Variants in DEK observed in about 807,000 individuals in gnomAD.
DEK encodes the protein DEK proto-oncogene.
A neutral mutation model predicts 46.8 loss-of-function variants in DEK; 28 were observed. The ratio of observed to expected loss-of-function variants is 0.60; its 90% CI spans 0.44 to 0.82. DEK has a LOEUF of 0.82. Ranked by LOEUF, DEK falls within the 40% of genes least tolerant of loss-of-function variation. The pLI is 0.00. For synonymous variants in DEK, 160 were observed against 144.5 expected (o/e 1.11, Z -0.77); for missense variants, 416 against 430.6 (o/e 0.97, Z 0.30).
chr6:18,235,108 C>A (rs755839319), intron 9 of DEK, among the ~76,000 whole-genome samples: 3 of 152,100 alleles, frequency 2.0e-5, no homozygotes, highest in Non-Finnish European at 2.9e-5. Context: ...GGGTGTCCTG[C>A]CTCTCTCATC....
rs780634683 is a variant in DEK at position 18,260,985 on chromosome 6, CA to C, written c.146-2581del. Among the ~76,000 whole-genome samples, 560 of 78,020 alleles carry C rather than the reference CA, an allele frequency of 7.2e-3. 2 individuals carry two copies. The highest frequency in any genetic ancestry group is 0.019 in the African/African-American group (378 of 19,862). The allele number at this position is 78,020 out of a possible 152,430, so 51.2% of individuals were successfully genotyped here. ...TGGGTGACAAGTGAGACCTTGTCTC[CA>C]AAAAAAAAAAAAAAAAAGAAAGAAA... On this transcript the variant is annotated intron_variant, in intron 2 of 10. Transcript: ENST00000652689.
intron 6 of DEK, among the ~76,000 whole-genome samples, chr6:18,251,037 G>A (rs908355482): frequency 6.6e-6 from 1 of 152,122 alleles, no homozygotes; most frequent in South Asian, 2.1e-4. Context: ...TGATGAAAAT[G>A]AGTTGATTAC....
chr6:18,236,340 A>G, intron 9 of DEK, 112 bp downstream of exon 9: 2 of 1,199,842 alleles, frequency 1.7e-6, no homozygotes, highest in Non-Finnish European at 2.3e-6. Flanking sequence ...TAGTAGTTCA[A>G]TAAATCTTTC....
At chr6:18,228,767 C>A (rs188979800) in intron 9 of DEK, among the ~76,000 whole-genome samples, 6 of 152,338 alleles carry the variant, frequency 3.9e-5, no homozygotes, top group Admixed American at 2.0e-4. Flanking sequence ...CACGGAGCCT[C>A]GCTCATTGCT....
chr6:18,261,769 T>G (rs1467565707), intron 2 of DEK, among the ~76,000 whole-genome samples: 1 of 152,148 alleles, frequency 6.6e-6, no homozygotes, highest in East Asian at 1.9e-4. Context: ...TGGAAGAAAC[T>G]CATCTTCAGA....
At chr6:18,262,348 T>C (rs1216032350) in intron 2 of DEK, among the ~76,000 whole-genome samples, 5 of 150,672 alleles carry the variant, frequency 3.3e-5, no homozygotes, top group Admixed American at 3.3e-4. Flanking sequence ...GCTTCCATGA[T>C]GCCTCAGTTC....
At chr6:18,226,847 G>A (rs1304182387) in intron 9 of DEK, among the ~76,000 whole-genome samples, 2 of 152,168 alleles carry the variant, frequency 1.3e-5, no homozygotes, top group Non-Finnish European at 2.9e-5. Context: ...ATTTTGTTCT[G>A]TACTAAGAAA....
At position 18,258,356 on chromosome 6, in the gene DEK, C is replaced by T; in HGVS notation, c.195G>A (p.Arg65=). Residue 65 remains arginine (R), a synonymous_variant, in exon 3 of 11, where the codon AGG becomes AGA. Coordinates refer to ENST00000652689, the MANE Select transcript of DEK (RefSeq NM_003472.4). ...GTAAGGAAGAGACTTGCATTGTCAA[C>T]CTCTCTACTTTTTTCTTTTCCCTCT... ...EGKREKKKVE[R]LTMQVSSLQR... The T allele has an allele frequency of 6.2e-7, 1 of 1,613,484 alleles. No individual in the cohort carries two copies. Among genetic ancestry groups the T allele is most frequent in the Non-Finnish European group, 8.5e-7 (1 of 1,179,738 alleles).
intron 9 of DEK, among the ~76,000 whole-genome samples, chr6:18,232,346 C>A (rs544611271): frequency 6.6e-6 from 1 of 152,084 alleles, no homozygotes; most frequent in Non-Finnish European, 1.5e-5. Flanking sequence ...CAACATAGTG[C>A]TGGAAGTTCT....
chr6:18,247,090 G>A (rs1350218119), intron 7 of DEK, among the ~76,000 whole-genome samples: 1 of 152,136 alleles, frequency 6.6e-6, no homozygotes, highest in Non-Finnish European at 1.5e-5. Context: ...TAACATGGCT[G>A]ACATTTAGAA....
chr6:18,263,872 T>C lies in DEK; in HGVS notation c.116A>G (p.Asp39Gly), dbSNP rs144506225. Reference protein sequence around the residue: ...REESEEEEDEDDEEEEEEEKE... With the variant: ...REESEEEEDEGDEEEEEEEKE... ...TTCCTCCTCCTCCTCCTCCTCGTCG[T>C]CCTCGTCCTCTTCCTCCTCGCTCTC... The change falls in exon 2 of 11, where the codon GAC becomes GGC. Residue 39 changes from aspartate (D) to glycine (G), a missense_variant. By Grantham distance (94) the Asp-to-Gly change is moderately conservative (BLOSUM62 -1). Transcript: ENST00000652689. 48 of 1,612,666 alleles carry C rather than the reference T, an allele frequency of 3.0e-5. No homozygotes were observed. The African/African-American group carries it at 5.3e-4, about 18-fold the overall frequency.
intron 2 of DEK, among the ~76,000 whole-genome samples, chr6:18,263,095 C>T (rs1791950133): frequency 6.6e-6 from 1 of 152,152 alleles, no homozygotes; most frequent in Non-Finnish European, 1.5e-5. Flanking sequence ...GCGGGTACAC[C>T]TGAAACAGAC....
rs371518601 is a variant in DEK, at chr6:18,259,161, G to C, written c.146-756C>G. ...CCGGCTAACTCGGTCAGGAGATCGA[G>C]ACCATCCTGGCTAACTCAGTCAGGA... On this transcript the variant is annotated intron_variant, in intron 2 of 10. Transcript: ENST00000652689. Among the ~76,000 whole-genome samples, 6 of 146,930 alleles carry C rather than the reference G, an allele frequency of 4.1e-5. No homozygotes were observed. The East Asian group carries it at 7.9e-4, about 19-fold the overall frequency.
intron 9 of DEK, among the ~76,000 whole-genome samples, chr6:18,232,824 C>A (rs560723764): frequency 2.6e-4 from 40 of 152,256 alleles, no homozygotes; most frequent in South Asian, 1.2e-3. Flanking sequence ...AGCTACCAAT[C>A]ACTTTCTTCA....
intron 7 of DEK, among the ~76,000 whole-genome samples, chr6:18,241,568 C>G (rs1306346389): frequency 6.6e-6 from 1 of 152,146 alleles, no homozygotes; most frequent in Non-Finnish European, 1.5e-5. Flanking sequence ...GGTGTTACAG[C>G]CAAACATCCT....
intron 9 of DEK, among the ~76,000 whole-genome samples, chr6:18,235,358 A>G (rs890600296): frequency 6.6e-6 from 1 of 152,176 alleles, no homozygotes; most frequent in Non-Finnish European, 1.5e-5. Flanking sequence ...TGTTGAACTA[A>G]TACTATTCCT....
chr6:18,261,811 T>C (rs900610161), intron 2 of DEK, among the ~76,000 whole-genome samples: 12 of 152,336 alleles, frequency 7.9e-5, no homozygotes, highest in Admixed American at 2.0e-4. Flanking sequence ...TTGGGACTTC[T>C]GTGTTAATGC....
At chr6:18,248,766 C>T (rs1336713060) in intron 7 of DEK, among the ~76,000 whole-genome samples, 1 of 152,062 alleles carries the variant, frequency 6.6e-6, no homozygotes, top group Non-Finnish European at 1.5e-5. Context: ...CTTGTCTCGC[C>T]CCAGGGACAT....
At chr6:18,239,777 A>G (rs772189830) in intron 7 of DEK, among the ~76,000 whole-genome samples, 11 of 152,166 alleles carry the variant, frequency 7.2e-5, no homozygotes, top group Non-Finnish European at 1.5e-4. Context: ...TTTATGACGA[A>G]CTTAAACTAA....
Sources: allele counts gnomAD v4.1 joint callset (sites outside exome capture counted in the v4.1 genomes callset), GRCh38; gene constraint gnomAD v4.1.1; transcripts MANE v1.5; gene names NCBI Gene and HGNC (gene_info 2026-07-23, HGNC 2026-07-21).